PAPSS1: variants seen among roughly 807,000 people sequenced by gnomAD.
PAPSS1 encodes 3'-phosphoadenosine 5'-phosphosulfate synthase 1.
Under a neutral mutation model 72.0 loss-of-function variants are expected in PAPSS1, and 50 were observed. The observed-to-expected ratio is 0.69, with a 90% CI of 0.55 to 0.88. The LOEUF (loss-of-function observed/expected upper bound fraction) is 0.88. Among genes scored for constraint, PAPSS1 ranks in the 40% least tolerant of loss-of-function variants. The pLI is 0.00. For missense variants in PAPSS1, 657 were observed against 782.2 expected (o/e 0.84, Z 1.91); for synonymous variants, 261 against 263.6 (o/e 0.99, Z 0.09).
intron 5 of PAPSS1, among the ~76,000 whole-genome samples, chr4:107,661,062 C>G (rs1455244266): frequency 6.6e-6 from 1 of 152,118 alleles, no homozygotes; most frequent in Non-Finnish European, 1.5e-5. Context: ...GAATAGACAT[C>G]TCATCAAAGA....
Position 107,693,895 on chromosome 4 carries a change from T to C in PAPSS1, c.287A>G (p.Asn96Ser). 6.2e-7 allele frequency: 1 copy of C among 1,613,902 alleles called. No individual in the cohort carries two copies. The highest frequency in any genetic ancestry group is 1.1e-5 in the South Asian group (1 of 91,088). Residue 96 changes from asparagine (N) to serine (S), a missense_variant, in exon 3 of 12, where the codon AAT (asparagine) becomes AGT (serine). Transcript: ENST00000265174. ...LDGDNIRQGL[N>S]KNLGFSPEDR... Reference sequence around the variant, plus strand: ...TTCAGGACTAAAGCCAAGATTTTTATTGAGACCTTGACGAATATTGTCACC... The same window carrying C: ...TTCAGGACTAAAGCCAAGATTTTTACTGAGACCTTGACGAATATTGTCACC...
intron 5 of PAPSS1, among the ~76,000 whole-genome samples, chr4:107,666,595 C>T (rs1727322448): frequency 6.6e-6 from 1 of 152,116 alleles, no homozygotes; most frequent in Non-Finnish European, 1.5e-5. Context: ...AACCAAAGGA[C>T]CCATCATCCT....
chr4:107,649,296 G>C (rs181471971), intron 9 of PAPSS1, among the ~76,000 whole-genome samples: 6 of 152,374 alleles, frequency 3.9e-5, no homozygotes, highest in Admixed American at 3.3e-4. Context: ...GGCTGTGCCA[G>C]TGACCCTGCA....
At chr4:107,676,020 G>C (rs1313365987) in intron 5 of PAPSS1, among the ~76,000 whole-genome samples, 1 of 152,168 alleles carries the variant, frequency 6.6e-6, no homozygotes, top group Non-Finnish European at 1.5e-5. Context: ...ATTAGGTATT[G>C]ATGGGACGTA....
At chr4:107,633,973 G>A (rs868695216) in intron 10 of PAPSS1, among the ~76,000 whole-genome samples, 5 of 149,840 alleles carry the variant, frequency 3.3e-5, no homozygotes, top group Non-Finnish European at 4.4e-5. Context: ...TAGATTATAA[G>A]TCATACTTAT....
At chr4:107,644,214 G>T (rs1253102806) in intron 10 of PAPSS1, among the ~76,000 whole-genome samples, 1 of 152,112 alleles carries the variant, frequency 6.6e-6, no homozygotes, top group Non-Finnish European at 1.5e-5. Context: ...ATGGCACCTT[G>T]GCATTTGAGA....
chr4:107,692,332 G>A (rs1722947392), intron 3 of PAPSS1, among the ~76,000 whole-genome samples: 1 of 152,076 alleles, frequency 6.6e-6, no homozygotes, highest in Non-Finnish European at 1.5e-5. Context: ...CAAAGGGTAT[G>A]AACAGACACT....
At position 107,614,338 on chromosome 4, in the gene PAPSS1, G is replaced by C. The variant is rs780318513; in HGVS notation, c.1786C>G (p.Arg596Gly). 1 of 1,613,852 alleles carries C rather than the reference G, an allele frequency of 6.2e-7. No individual in the cohort carries two copies. Among genetic ancestry groups the C allele is most frequent in the Non-Finnish European group, 8.5e-7 (1 of 1,179,806 alleles). Reference protein sequence around the residue: ...ISGTRMRKLAREGQKPPEGFM... With the variant: ...ISGTRMRKLAGEGQKPPEGFM... ...CCTTCAGGTGGTTTCTGGCCTTCTC[G>C]AGCAAGTTTGCGCATTCGTGTTCCT... Residue 596 changes from arginine (R) to glycine (G), a missense_variant, in exon 12 of 12, where the codon CGA (arginine) becomes GGA (glycine). Transcript: ENST00000265174.
chr4:107,674,626 A>G lies in PAPSS1; in HGVS notation c.669+7389T>C, dbSNP rs534328416. 1.1e-4 allele frequency among the ~76,000 whole-genome samples: 16 copies of G among 140,826 alleles called. No individual in the cohort carries two copies. In the South Asian group the frequency reaches 3.7e-3, roughly 32 times the overall value. 92.4% of individuals were successfully genotyped at this position (140,826 alleles called of 152,430 possible). A position where few individuals can be genotyped will look rare whatever the true frequency, so the allele number is the denominator to read the frequency against. Reference sequence around the variant, plus strand: ...ACTGTCAACATTAGACAGATCCACGAGACAGAAAGTTAAAAAGGATATCCA... The same window carrying G: ...ACTGTCAACATTAGACAGATCCACGGGACAGAAAGTTAAAAAGGATATCCA... On this transcript the variant is annotated intron_variant, in intron 5 of 11. Coordinates refer to ENST00000265174, the MANE Select transcript of PAPSS1 (RefSeq NM_005443.5).
intron 11 of PAPSS1, among the ~76,000 whole-genome samples, chr4:107,628,213 T>C (rs1045345287): frequency 2.0e-5 from 3 of 152,184 alleles, no homozygotes; most frequent in Non-Finnish European, 4.4e-5. Context: ...CATCTAAAAG[T>C]ATGCATTGTC....
At chr4:107,681,994 C>A (rs757130528) in intron 5 of PAPSS1, 21 bp downstream of exon 5, 2 of 1,183,186 alleles carry the variant, frequency 1.7e-6, no homozygotes, top group Non-Finnish European at 2.5e-6. Flanking sequence ...TCTGATGATT[C>A]CTTCTTTCAT....
At chr4:107,623,567 C>T (rs575365250) in intron 11 of PAPSS1, among the ~76,000 whole-genome samples, 2 of 152,268 alleles carry the variant, frequency 1.3e-5, no homozygotes, top group Admixed American at 6.5e-5. Flanking sequence ...TTTCAGCTTT[C>T]GAGCTTAAAG....
intron 5 of PAPSS1, among the ~76,000 whole-genome samples, chr4:107,669,485 T>C (rs1308202912): frequency 6.6e-6 from 1 of 152,200 alleles, no homozygotes; most frequent in Non-Finnish European, 1.5e-5. Flanking sequence ...AAAATAACAG[T>C]GGTGAAGACC....
chr4:107,668,240 T>C (rs1463472304), intron 5 of PAPSS1, among the ~76,000 whole-genome samples: 4 of 152,210 alleles, frequency 2.6e-5, no homozygotes, highest in Non-Finnish European at 5.9e-5. Context: ...CTGGAATCTG[T>C]TTCCTTATCA....
intron 6 of PAPSS1, among the ~76,000 whole-genome samples, chr4:107,657,746 A>C (rs77753485): frequency 2.3e-4 from 20 of 87,742 alleles, no homozygotes; most frequent in Non-Finnish European, 4.1e-4. Flanking sequence ...CCATGTCTCA[A>C]AAAAAAAAAA....
intron 10 of PAPSS1, among the ~76,000 whole-genome samples, chr4:107,634,138 C>T (rs1726297722): frequency 6.6e-6 from 1 of 151,932 alleles, no homozygotes; most frequent in Non-Finnish European, 1.5e-5. Context: ...CCATCTCAGC[C>T]TCCCAAGCAG....
intron 2 of PAPSS1, chr4:107,694,218 A>C: frequency 3.9e-6 from 2 of 507,402 alleles, no homozygotes; most frequent in Non-Finnish European, 7.0e-6. Context: ...ATGCCACCAC[A>C]TCCAACTTAT....
intron 1 of PAPSS1, among the ~76,000 whole-genome samples, chr4:107,705,067 G>A (rs746383868): frequency 6.6e-6 from 1 of 152,142 alleles, no homozygotes; most frequent in Non-Finnish European, 1.5e-5. Flanking sequence ...TTGCTACTAT[G>A]TGTTCAGGAT....
At chr4:107,652,232 C>T (rs1456763839) in intron 9 of PAPSS1, among the ~76,000 whole-genome samples, 2 of 152,206 alleles carry the variant, frequency 1.3e-5, no homozygotes, top group Non-Finnish European at 2.9e-5. Context: ...AGGGCCAAAC[C>T]ATCTCTGCAG....
Sources: allele counts gnomAD v4.1 joint callset (sites outside exome capture counted in the v4.1 genomes callset), GRCh38; gene constraint gnomAD v4.1.1; transcripts MANE v1.5; gene names NCBI Gene and HGNC (gene_info 2026-07-23, HGNC 2026-07-21).